PTPRT: variants seen among roughly 807,000 people sequenced by gnomAD.
PTPRT encodes the protein receptor-type tyrosine-protein phosphatase T.
In PTPRT, 56 loss-of-function variants were observed where a neutral mutation model predicts 176.8. That is an observed-to-expected ratio of 0.32 (90% CI 0.26 to 0.40). The LOEUF is 0.40. PTPRT is among the 10% of genes least tolerant of loss of function. The pLI is 1.00. For missense variants in PTPRT, 1,540 were observed against 1,908.2 expected, an observed-to-expected ratio of 0.81 and a Z score of 3.60; for synonymous variants, 783 against 739.0, an observed-to-expected ratio of 1.06 and a Z score of -0.96.
At chr20:42,519,631 A>G (rs1359340625) in intron 7 of PTPRT, among the ~76,000 whole-genome samples, 2 of 151,916 alleles carry the variant, frequency 1.3e-5, no homozygotes, top group East Asian at 1.9e-4. Context: ...AGACAGACAG[A>G]TATAGATATT....
intron 12 of PTPRT, among the ~76,000 whole-genome samples, chr20:42,307,223 C>T (rs1432213327): frequency 3.9e-5 from 6 of 152,166 alleles, no homozygotes; most frequent in African/African-American, 1.4e-4. Flanking sequence ...TGTGAAAATG[C>T]TATGCACCAC....
intron 15 of PTPRT, among the ~76,000 whole-genome samples, chr20:42,206,835 G>A (rs2055481545): frequency 6.6e-6 from 1 of 152,240 alleles, no homozygotes; most frequent in Non-Finnish European, 1.5e-5. Flanking sequence ...CACCTCTGGG[G>A]GCAGGGCACA....
At chr20:43,043,900 G>C (rs1986732669) in intron 1 of PTPRT, among the ~76,000 whole-genome samples, 1 of 152,112 alleles carries the variant, frequency 6.6e-6, no homozygotes, top group African/African-American at 2.4e-5. Context: ...AGAATTCTCA[G>C]ATTCAGCGCT....
chr20:43,186,647 T>C (rs768094789), intron 1 of PTPRT, among the ~76,000 whole-genome samples: 15 of 152,210 alleles, frequency 9.9e-5, no homozygotes, highest in Non-Finnish European at 1.8e-4. Flanking sequence ...AGAGAGTCGG[T>C]TGTAACCCAA....
At chr20:42,588,584 A>G (rs542240745) in intron 7 of PTPRT, among the ~76,000 whole-genome samples, 1 of 152,368 alleles carries the variant, frequency 6.6e-6, no homozygotes, top group Admixed American at 6.5e-5. Context: ...TGTATCATTA[A>G]TAAGTTTTTA....
At chr20:42,045,555 C>G in the PTPRT span, among the ~76,000 whole-genome samples, 10 of 151,672 alleles carry the variant, frequency 6.6e-5, no homozygotes, top group Non-Finnish European at 1.5e-4. Flanking sequence ...ATCTGGTGTC[C>G]TGAGGTCACT....
chr20:42,732,562 C>T lies in PTPRT; in HGVS notation c.859+23900G>A, dbSNP rs538390771. Among the ~76,000 whole-genome samples the T allele has an allele frequency of 6.6e-4, 100 of 152,152 alleles. 1 individual carries two copies. Among genetic ancestry groups the T allele is most frequent in the East Asian group, 1.9e-4 (1 of 5,178 alleles). On this transcript the variant is annotated intron_variant, in intron 6 of 30. Coordinates refer to ENST00000373187, the MANE Select transcript of PTPRT (RefSeq NM_007050.6). The stretch of plus-strand genomic sequence containing the variant: ...TAACATGAGCTTTGAAGGATGACTG[C>T]GAGAAGAAGGTGAAGGGGCAGGCAT...
At chr20:42,709,987 GT>G (rs1358081424) in intron 6 of PTPRT, among the ~76,000 whole-genome samples, 1 of 152,180 alleles carries the variant, frequency 6.6e-6, no homozygotes, top group East Asian at 1.9e-4. Context: ...ATGACTTAGG[GT>G]AACTGGCAGA....
At chr20:42,412,967 T>C (rs1447900952) in intron 9 of PTPRT, among the ~76,000 whole-genome samples, 1 of 152,206 alleles carries the variant, frequency 6.6e-6, no homozygotes, top group Non-Finnish European at 1.5e-5. Flanking sequence ...ATAGTGGTAG[T>C]GGTTATACAA....
At chr20:42,795,188 A>AC (rs1321809658) in intron 2 of PTPRT, among the ~76,000 whole-genome samples, 1 of 152,146 alleles carries the variant, frequency 6.6e-6, no homozygotes, top group East Asian at 1.9e-4. Context: ...CTCCCTTAAA[A>AC]AAAAAAAATC....
intron 1 of PTPRT, among the ~76,000 whole-genome samples, chr20:43,184,197 G>A (rs186762606): frequency 2.2e-4 from 33 of 152,298 alleles, no homozygotes; most frequent in Admixed American, 1.2e-3. Flanking sequence ...TCCAGGGGAC[G>A]TGTTTGTGTG....
intron 7 of PTPRT, among the ~76,000 whole-genome samples, chr20:42,552,495 A>G (rs1257634621): frequency 1.3e-5 from 2 of 152,200 alleles, no homozygotes; most frequent in East Asian, 3.8e-4. Flanking sequence ...AGTGTAGCAC[A>G]AAAGCAAACA....
chr20:42,287,839 T>C (rs1421007718), intron 12 of PTPRT, among the ~76,000 whole-genome samples: 3 of 151,842 alleles, frequency 2.0e-5, no homozygotes, highest in Non-Finnish European at 4.4e-5. Context: ...CATAAATATT[T>C]ACAATTAGTA....
At chr20:42,691,348 A>G (rs1036181199) in intron 6 of PTPRT, among the ~76,000 whole-genome samples, 4 of 152,236 alleles carry the variant, frequency 2.6e-5, no homozygotes, top group East Asian at 3.9e-4. Context: ...ACAGAAAGAA[A>G]GGCTTACGCA....
At position 42,870,505 on chromosome 20, in the gene PTPRT, T is replaced by C. The variant is rs117843145; in HGVS notation, c.214+15302A>G. Among the ~76,000 whole-genome samples, 30 of 152,360 alleles carry C rather than the reference T, an allele frequency of 2.0e-4. No homozygotes were observed. The East Asian group carries it at 2.3e-3, about 12-fold the overall frequency. On this transcript the variant is annotated intron_variant, in intron 2 of 30. Transcript: ENST00000373187. The stretch of plus-strand genomic sequence containing the variant: ...ATTTTCAAGATTCTGCTTTCAATTA[T>C]TTTAGATATACTGTCACGTGCAGCA...
At chr20:43,099,406 G>A (rs1197299787) in intron 1 of PTPRT, among the ~76,000 whole-genome samples, 2 of 152,084 alleles carry the variant, frequency 1.3e-5, no homozygotes, top group East Asian at 1.9e-4. Context: ...AGCAAATTAG[G>A]AGGAGGAATG....
chr20:42,609,597 A>G (rs1265371216), intron 7 of PTPRT, among the ~76,000 whole-genome samples: 1 of 152,192 alleles, frequency 6.6e-6, no homozygotes, highest in East Asian at 1.9e-4. Flanking sequence ...TCTGGCTGCT[A>G]TAGCAGCTGG....
At chr20:42,524,795 C>CT (rs1325202413) in intron 7 of PTPRT, among the ~76,000 whole-genome samples, 2 of 151,930 alleles carry the variant, frequency 1.3e-5, no homozygotes, top group Middle Eastern at 3.4e-3. Flanking sequence ...TCATGTTTTC[C>CT]TTTTTTTTCT....
chr20:42,520,913 ATATC>A (rs1194940772), intron 7 of PTPRT, among the ~76,000 whole-genome samples: 2 of 151,744 alleles, frequency 1.3e-5, no homozygotes, highest in African/African-American at 2.4e-5. Flanking sequence ...ACACAAACCC[ATATC>A]TATTTATCTA....
Sources: allele counts gnomAD v4.1 joint callset (sites outside exome capture counted in the v4.1 genomes callset), GRCh38; gene constraint gnomAD v4.1.1; transcripts MANE v1.5; gene names NCBI Gene and HGNC (gene_info 2026-07-23, HGNC 2026-07-21).